The following FER variants were observed in gnomAD, a reference collection of about 807,000 sequenced individuals.
FER encodes FER tyrosine kinase.
FER carries 63 observed loss-of-function variants against 111.0 expected under a neutral mutation model. That is an observed-to-expected ratio of 0.57 (90% CI 0.46 to 0.70). FER has a LOEUF of 0.70. Ranked by LOEUF, FER falls within the 30% of genes least tolerant of loss-of-function variation. FER has a pLI of 0.00. For missense variants in FER, 914 were observed against 954.0 expected (o/e 0.96, Z 0.55); for synonymous variants, 327 against 313.9 (o/e 1.04, Z -0.44).
intron 2 of FER, among the ~76,000 whole-genome samples, chr5:108,769,448 A>G (rs78533870): frequency 0.035 from 5,306 of 152,270 alleles, 163 homozygotes; most frequent in South Asian, 0.11. Flanking sequence ...GGAAGAGATT[A>G]TAGAAATATT....
intron 16 of FER, among the ~76,000 whole-genome samples, chr5:109,099,125 G>C (rs1436828914): frequency 6.6e-6 from 1 of 151,518 alleles, no homozygotes; most frequent in Non-Finnish European, 1.5e-5. Context: ...AATAGAGAAA[G>C]TGGGAAAGAT....
chr5:108,850,208 TC>T (rs2150184274), intron 5 of FER, among the ~76,000 whole-genome samples: 1 of 150,758 alleles, frequency 6.6e-6, no homozygotes, highest in East Asian at 2.0e-4. Flanking sequence ...AAAAAAAAAA[TC>T]ATATTATTAG....
intron 13 of FER, among the ~76,000 whole-genome samples, chr5:108,972,373 C>A (rs1441040091): frequency 2.0e-5 from 3 of 152,086 alleles, no homozygotes; most frequent in African/African-American, 7.2e-5. Context: ...TCTGTCCCTA[C>A]CTGCAGCTCA....
intron 2 of FER, chr5:108,784,187 A>T (rs1754409062): frequency 6.5e-6 from 1 of 153,908 alleles, no homozygotes; most frequent in Middle Eastern, 2.8e-3. Flanking sequence ...CCTGGACAAG[A>T]TCCTGTCCAC....
chr5:108,952,328 A>G (rs544554770), intron 11 of FER, among the ~76,000 whole-genome samples: 2 of 139,514 alleles, frequency 1.4e-5, no homozygotes, highest in East Asian at 4.3e-4. Flanking sequence ...TGCATCCTAC[A>G]TATATTACTG....
intron 10 of FER, among the ~76,000 whole-genome samples, chr5:108,934,981 C>A (rs1190514180): frequency 6.6e-6 from 1 of 152,040 alleles, no homozygotes; most frequent in South Asian, 2.1e-4. Context: ...TGCATAGAAT[C>A]TATGTGAATC....
Position 109,109,838 on chromosome 5 carries a change from G to A in FER, c.2048+9319G>A, listed in dbSNP as rs566298359. 6.8e-4 allele frequency among the ~76,000 whole-genome samples: 104 copies of A among 152,222 alleles called. 1 individual carries two copies. The highest frequency in any genetic ancestry group is 2.0e-3 in the Admixed American group (30 of 15,272). On this transcript the variant is annotated intron_variant, in intron 17 of 19. Coordinates refer to ENST00000281092, the MANE Select transcript of FER (RefSeq NM_005246.4). The stretch of plus-strand genomic sequence containing the variant: ...TTCTAATAGTGACACTATCTAAAAA[G>A]GGTAGGGCCTTGTTGAATCTGAGAT...
At chr5:108,793,519 C>CCGGGG (rs1554065853) in intron 2 of FER, among the ~76,000 whole-genome samples, 3 of 103,224 alleles carry the variant, frequency 2.9e-5, no homozygotes, top group African/African-American at 1.3e-4. Flanking sequence ...TTTGGCGGGG[C>CCGGGG]GGGGGGGGTG....
intron 17 of FER, among the ~76,000 whole-genome samples, chr5:109,156,660 T>C (rs903798087): frequency 4.0e-5 from 6 of 151,752 alleles, no homozygotes; most frequent in African/African-American, 1.5e-4. Flanking sequence ...TTTAAGGAAT[T>C]TATGGGCAGA....
At chr5:109,062,545 A>G (rs1331352949) in intron 16 of FER, among the ~76,000 whole-genome samples, 2 of 151,816 alleles carry the variant, frequency 1.3e-5, no homozygotes, top group Non-Finnish European at 2.9e-5. Flanking sequence ...AAAAATATAT[A>G]TAACAATATA....
At chr5:108,901,001 G>A (rs1467291519) in intron 10 of FER, among the ~76,000 whole-genome samples, 2 of 152,130 alleles carry the variant, frequency 1.3e-5, no homozygotes, top group East Asian at 3.9e-4. Flanking sequence ...ATTAGGTCAG[G>A]AGGGCTTCAT....
chr5:109,013,824 G>A, intron 13 of FER, among the ~76,000 whole-genome samples: 1 of 149,732 alleles, frequency 6.7e-6, no homozygotes, highest in Non-Finnish European at 1.5e-5. Context: ...GCATTTCTCT[G>A]ATGGCCAGTG....
intron 14 of FER, among the ~76,000 whole-genome samples, chr5:109,041,310 G>A (rs940694843): frequency 1.3e-5 from 2 of 152,108 alleles, no homozygotes; most frequent in African/African-American, 4.8e-5. Context: ...GAGTGTATGG[G>A]AAGGCAGTTA....
intron 5 of FER, among the ~76,000 whole-genome samples, chr5:108,845,049 TATATATATATATATATATACACAC>T (rs1761866887): frequency 2.1e-5 from 1 of 46,662 alleles, no homozygotes; most frequent in Non-Finnish European, 4.0e-5. Context: ...TACATATATA[TATATATATATATATATATACACAC>T]ACACACACAC....
chr5:108,846,415 G>A (rs1762030017), intron 5 of FER, among the ~76,000 whole-genome samples: 1 of 151,748 alleles, frequency 6.6e-6, no homozygotes. Context: ...GACAAAGTGA[G>A]ACCTTGTCTC....
chr5:109,089,923 A>G (rs1168966695), intron 16 of FER, among the ~76,000 whole-genome samples: 1 of 152,202 alleles, frequency 6.6e-6, no homozygotes, highest in Non-Finnish European at 1.5e-5. Flanking sequence ...TTCCTGTGGT[A>G]CCAAAGGACC....
intron 17 of FER, among the ~76,000 whole-genome samples, chr5:109,151,331 T>A (rs536198449): frequency 1.8e-4 from 27 of 152,224 alleles, no homozygotes; most frequent in Admixed American, 4.6e-4. Context: ...CTGCTTTATA[T>A]GCAGTATATT....
At chr5:109,122,441 A>G (rs1751102500) in intron 17 of FER, among the ~76,000 whole-genome samples, 1 of 151,222 alleles carries the variant, frequency 6.6e-6, no homozygotes. Flanking sequence ...GATGTACTTT[A>G]TTTCAATTTT....
chr5:108,765,195 A>C (rs1752182015), intron 1 of FER, among the ~76,000 whole-genome samples: 1 of 152,136 alleles, frequency 6.6e-6, no homozygotes, highest in South Asian at 2.1e-4. Context: ...AATACCTTTG[A>C]AGTAACGCAA....
Sources: allele counts gnomAD v4.1 joint callset (sites outside exome capture counted in the v4.1 genomes callset), GRCh38; gene constraint gnomAD v4.1.1; transcripts MANE v1.5; gene names NCBI Gene and HGNC (gene_info 2026-07-23, HGNC 2026-07-21).